PDE11A: variants seen among roughly 807,000 people sequenced by gnomAD.
PDE11A encodes phosphodiesterase 11A, also known as dual 3',5'-cyclic-AMP and -GMP phosphodiesterase 11A.
PDE11A carries 100 observed loss-of-function variants against 100.5 expected under a neutral mutation model. The observed-to-expected ratio is 1.00, with a 90% confidence interval of 0.85 to 1.18. The LOEUF (loss-of-function observed/expected upper bound fraction) is 1.18. Ranked by LOEUF, PDE11A falls within the 50% of genes most tolerant of loss-of-function variation. The pLI is 0.00. For synonymous variants in PDE11A, 381 were observed against 420.8 expected, an observed-to-expected ratio of 0.91 and a Z score of 1.16; for missense variants, 1,141 against 1,152.6, an observed-to-expected ratio of 0.99 and a Z score of 0.15.
At chr2:177,637,636 C>T (rs2080060746) in intron 19 of PDE11A, among the ~76,000 whole-genome samples, 1 of 150,294 alleles carries the variant, frequency 6.7e-6, no homozygotes. Flanking sequence ...CATGTGTCTT[C>T]TGCTTGGCTT....
chr2:177,947,837 A>C (rs1439353925), intron 2 of PDE11A, among the ~76,000 whole-genome samples: 2 of 151,926 alleles, frequency 1.3e-5, no homozygotes, highest in African/African-American at 2.4e-5. Flanking sequence ...TTTACATTAA[A>C]AAGAAAAGCA....
At chr2:177,841,203 A>G (rs897812417) in intron 5 of PDE11A, among the ~76,000 whole-genome samples, 20 of 152,288 alleles carry the variant, frequency 1.3e-4, no homozygotes, top group African/African-American at 4.6e-4. Context: ...TCTCCTTTCC[A>G]TCTTTTCTTC....
At position 177,697,528 on chromosome 2, in the gene PDE11A, A is replaced by C. The variant is rs552766585; in HGVS notation, c.2245-96T>G. On this transcript the variant is annotated intron_variant, in intron 14 of 19. Transcript: ENST00000286063. The stretch of plus-strand genomic sequence containing the variant: ...TTTAAAAAAAAGTCTGGGAACATTA[A>C]AAAAATCACTTTTTAAAAAGCATAG... 217 of 710,362 alleles carry C rather than the reference A, an allele frequency of 3.1e-4. 1 individual carries two copies. In the African/African-American group the frequency reaches 3.4e-3, roughly 11 times the overall value. The allele number at this position is 710,362 out of a possible 1,614,324, so 44.0% of individuals were successfully genotyped here. A position where few individuals can be genotyped will look rare whatever the true frequency, so the allele number is the denominator to read the frequency against.
At chr2:177,965,663 T>C (rs772080284) in intron 2 of PDE11A, among the ~76,000 whole-genome samples, 1 of 152,164 alleles carries the variant, frequency 6.6e-6, no homozygotes, top group East Asian at 1.9e-4. Flanking sequence ...GAAGATCAGA[T>C]AGTTGTAGGT....
At chr2:177,855,875 C>T (rs77149983) in intron 5 of PDE11A, among the ~76,000 whole-genome samples, 1,674 of 149,488 alleles carry the variant, frequency 0.011, 31 homozygotes, top group African/African-American at 0.039. Flanking sequence ...AAAGCTTGTA[C>T]ATATTCATAG....
At chr2:177,916,259 T>G (rs1270945608) in intron 2 of PDE11A, among the ~76,000 whole-genome samples, 1 of 152,248 alleles carries the variant, frequency 6.6e-6, no homozygotes, top group Non-Finnish European at 1.5e-5. Context: ...GGGTTGGCTA[T>G]GCAGGAATTA....
At chr2:178,040,505 A>G (rs1368908034) in intron 1 of PDE11A, among the ~76,000 whole-genome samples, 1 of 152,208 alleles carries the variant, frequency 6.6e-6, no homozygotes, top group South Asian at 2.1e-4. Context: ...AAATTGAAGA[A>G]CTGAAGCTCT....
At position 177,896,675 on chromosome 2, in the gene PDE11A, G is replaced by A. The variant is rs151296263; in HGVS notation, c.1302+1383C>T. Among the ~76,000 whole-genome samples the A allele has an allele frequency of 2.0e-5, 3 of 152,310 alleles. No individual in the cohort carries two copies. The East Asian group carries it at 5.8e-4, about 29-fold the overall frequency. On this transcript the variant is annotated intron_variant, in intron 4 of 19. Coordinates refer to ENST00000286063, the MANE Select transcript of PDE11A (RefSeq NM_016953.4). ...GGCTTTAGAGTCAGGCAGTGGAGGT[G>A]ACTGGCAAGTCACACAACCTTCTGA... is the stretch of plus-strand genomic sequence containing the variant.
chr2:177,707,174 G>A (rs1363252421), intron 13 of PDE11A, among the ~76,000 whole-genome samples: 1 of 152,066 alleles, frequency 6.6e-6, no homozygotes, highest in Non-Finnish European at 1.5e-5. Flanking sequence ...GAATGGATTT[G>A]GGCAAGTTTA....
chr2:177,894,781 T>C (rs905208121), intron 4 of PDE11A, among the ~76,000 whole-genome samples: 1 of 152,234 alleles, frequency 6.6e-6, no homozygotes, highest in Admixed American at 6.5e-5. Context: ...AAAACATTCC[T>C]TTCTGCTGAC....
chr2:177,928,010 AAG>A (rs1351538243), intron 2 of PDE11A, among the ~76,000 whole-genome samples: 1 of 151,680 alleles, frequency 6.6e-6, no homozygotes, highest in African/African-American at 2.4e-5. Flanking sequence ...AGGCTGAGGC[AAG>A]AGAATCGCTT....
At chr2:178,082,021 G>A (rs2087291155) in intron 2 of PDE11A, among the ~76,000 whole-genome samples, 1 of 152,220 alleles carries the variant, frequency 6.6e-6, no homozygotes, top group Non-Finnish European at 1.5e-5. Flanking sequence ...CATTGTGGGG[G>A]ACTTCAGGCA....
At chr2:177,849,141 CTTG>C (rs1349354628) in intron 5 of PDE11A, among the ~76,000 whole-genome samples, 7 of 152,168 alleles carry the variant, frequency 4.6e-5, no homozygotes, top group Middle Eastern at 3.2e-3. Context: ...GGATCTTTTC[CTTG>C]TTGTTGAAAG....
chr2:177,689,625 GA>G (rs2081013993), intron 15 of PDE11A, among the ~76,000 whole-genome samples: 2 of 151,986 alleles, frequency 1.3e-5, no homozygotes, highest in Non-Finnish European at 2.9e-5. Flanking sequence ...TATGACTAAA[GA>G]AAAAAAGTGT....
intron 2 of PDE11A, among the ~76,000 whole-genome samples, chr2:177,937,319 C>CTT (rs33967413): frequency 0.1 from 12,746 of 125,654 alleles, 1,005 homozygotes; most frequent in Non-Finnish European, 0.15. Flanking sequence ...AAATTGAAAG[C>CTT]TTTTTTTTTT....
At chr2:177,885,199 T>TGG (rs2084409348) in intron 4 of PDE11A, among the ~76,000 whole-genome samples, 1 of 57,264 alleles carries the variant, frequency 1.7e-5, no homozygotes, top group Non-Finnish European at 4.1e-5. Flanking sequence ...ATTAATGATG[T>TGG]GAGTGTGTGT....
chr2:177,904,366 T>G (rs2084745486), intron 3 of PDE11A, among the ~76,000 whole-genome samples: 1 of 152,084 alleles, frequency 6.6e-6, no homozygotes, highest in Admixed American at 6.6e-5. Context: ...CCAAAAATGG[T>G]TTCAATCCAA....
At chr2:177,956,502 T>A (rs975630582) in intron 2 of PDE11A, among the ~76,000 whole-genome samples, 5 of 152,118 alleles carry the variant, frequency 3.3e-5, no homozygotes, top group South Asian at 2.1e-4. Context: ...GTCAGTGTGG[T>A]GATTCCTCAG....
At chr2:177,864,787 T>C (rs990812537) in intron 5 of PDE11A, among the ~76,000 whole-genome samples, 6 of 152,172 alleles carry the variant, frequency 3.9e-5, no homozygotes, top group African/African-American at 1.4e-4. Context: ...GGATAACCTA[T>C]AGTGTTCTTT....
Sources: gnomAD v4.1 joint callset for allele counts (sites outside exome capture counted in the v4.1 genomes callset) on GRCh38, gnomAD v4.1.1 for gene constraint, MANE v1.5 for transcripts, NCBI Gene and HGNC (gene_info 2026-07-23, HGNC 2026-07-21) for gene names.